FKBP10: variants seen among roughly 807,000 people sequenced by gnomAD.
FKBP10 encodes FKBP prolyl isomerase 10.
FKBP10 carries 34 observed loss-of-function variants against 53.7 expected under a neutral mutation model. The observed-to-expected ratio is 0.63, with a 90% CI of 0.48 to 0.84. FKBP10 has a LOEUF of 0.84. Among genes scored for constraint, FKBP10 ranks in the 40% least tolerant of loss-of-function variants. The pLI is 0.00. For synonymous variants in FKBP10, 324 were observed against 335.7 expected (o/e 0.97, Z 0.38); for missense variants, 748 against 797.8 (o/e 0.94, Z 0.75).
Position 41,822,466 on chromosome 17 carries a change from G to A in FKBP10, c.*58G>A. Reference sequence around the variant, plus strand: ...GAGGCCCACTGCGAGGGGGACAGTGGCGGTGGGACTGACCTGCTGACAGTC... The same window carrying A: ...GAGGCCCACTGCGAGGGGGACAGTGACGGTGGGACTGACCTGCTGACAGTC... On this transcript the variant is annotated 3_prime_UTR_variant, in exon 10 of 10. Coordinates refer to ENST00000321562, the MANE Select transcript of FKBP10 (RefSeq NM_021939.4). 6.5e-7 allele frequency: 1 copy of A among 1,540,126 alleles called. No individual in the cohort carries two copies. Among genetic ancestry groups the A allele is most frequent in the Non-Finnish European group, 8.8e-7 (1 of 1,137,006 alleles).
chr17:41,820,372 T>A lies in FKBP10; in HGVS notation c.1167T>A (p.Ser389=), dbSNP rs782014040. ...VVEIRTLSRP[S]ETCNETTKLG... ...AAATCAGGACACTGTCCCGGCCATC[T>A]GAGACCTGCAATGAGACCACCAAGC... Residue 389 remains serine (S), a synonymous_variant, in exon 7 of 10, where the codon TCT becomes TCA. Transcript: ENST00000321562. 3.1e-6 allele frequency: 5 copies of A among 1,614,222 alleles called. No individual in the cohort carries two copies. In the East Asian group the frequency reaches 1.1e-4, roughly 36 times the overall value.
At chr17:41,815,780 C>G (rs1439625164) in intron 1 of FKBP10, among the ~76,000 whole-genome samples, 1 of 46,452 alleles carries the variant, frequency 2.2e-5, no homozygotes, top group Non-Finnish European at 4.8e-5. Flanking sequence ...CCCATGGCCC[C>G]TTCAATTAAA....
In FKBP10 at chr17:41,819,402, C is replaced by T; in HGVS notation, c.917+3C>T. ...GACGGCACCCTCTTCGATTCCAGGTCAGGAGGGTCTTGAGGTGGGAGGGCG... is the reference window on the plus strand; with the variant it reads ...GACGGCACCCTCTTCGATTCCAGGTTAGGAGGGTCTTGAGGTGGGAGGGCG... On this transcript the variant is annotated splice_donor_region_variant and intron_variant, in intron 5 of 9. Transcript: ENST00000321562. 1 of 1,612,138 alleles carries T rather than the reference C, an allele frequency of 6.2e-7. No homozygotes were observed. Among genetic ancestry groups the T allele is most frequent in the Non-Finnish European group, 8.5e-7 (1 of 1,178,680 alleles).
At chr17:41,819,877 G>A (rs1276159715) in intron 6 of FKBP10, 41 of 1,541,552 alleles carry the variant, frequency 2.7e-5, no homozygotes, top group Admixed American at 1.2e-4. Flanking sequence ...GCCCCACTTC[G>A]CCCCTTCCGC....
Position 41,813,008 on chromosome 17 carries a change from C to T in FKBP10, c.-27C>T, listed in dbSNP as rs782092143. On this transcript the variant is annotated 5_prime_UTR_variant, in exon 1 of 10. Transcript: ENST00000321562. ...GTGGCGACTCCCTCGCTCGCCCTCA[C>T]TGCCGGCGGTCCCAACTCCAGGCAC... 1.9e-6 allele frequency: 3 copies of T among 1,608,776 alleles called. No homozygotes were observed. The highest frequency in any genetic ancestry group is 2.2e-5 in the East Asian group (1 of 44,826).
intron 6 of FKBP10, 168 bp from the exon 7 acceptor site, chr17:41,820,101 C>G: frequency 8.3e-7 from 1 of 1,207,254 alleles, no homozygotes. Flanking sequence ...CTGCCCCCTG[C>G]CCCAGTGAAA....
chr17:41,820,094 C>T, intron 6 of FKBP10, 175 bp from the exon 7 acceptor site: 2 of 1,198,392 alleles, frequency 1.7e-6, no homozygotes, highest in East Asian at 2.6e-5. Flanking sequence ...CCTTCCCCTG[C>T]CCCCTGCCCC....
At position 41,821,697 on chromosome 17, in the gene FKBP10, G is replaced by C; in HGVS notation, c.1443G>C (p.Glu481Asp). Residue 481 changes from glutamate to aspartate, a missense_variant, in exon 9 of 10, where the codon GAG becomes GAC. Transcript: ENST00000321562. Reference protein sequence around the residue: ...PGSAVLLFEVELVSREDGLPT... With the variant: ...PGSAVLLFEVDLVSREDGLPT... Reference sequence around the variant, plus strand: ...GTGCTGTGCTGCTGTTTGAGGTGGAGCTGGTGTCCCGGGAGGATGGGCTGC... The same window carrying C: ...GTGCTGTGCTGCTGTTTGAGGTGGACCTGGTGTCCCGGGAGGATGGGCTGC... The C allele has an allele frequency of 6.2e-7, 1 of 1,614,136 alleles. No individual in the cohort carries two copies.
chr17:41,816,300 G>A (rs370439603), intron 1 of FKBP10, among the ~76,000 whole-genome samples: 142 of 115,902 alleles, frequency 1.2e-3, no homozygotes, highest in Admixed American at 3.5e-3. Context: ...GCACGATTTC[G>A]GCTCATTGCA....
In FKBP10 at chr17:41,818,168, G is replaced by A. The variant is rs782098243; in HGVS notation, c.471G>A (p.Gln157=). Residue 157 remains glutamine, a synonymous_variant, in exon 3 of 10, where the codon CAG becomes CAA. Transcript: ENST00000321562. ...TGTGGAACAAGGAAGACACCGTGCA[G>A]GTGAGCACATTGCTGCGCCCGCCCC... is the stretch of plus-strand genomic sequence containing the variant. ...LDVWNKEDTV[Q]VSTLLRPPHC... 6.2e-7 allele frequency: 1 copy of A among 1,613,818 alleles called. No homozygotes were observed. Among genetic ancestry groups the A allele is most frequent in the South Asian group, 1.1e-5 (1 of 91,084 alleles).
At chr17:41,821,559 G>A (rs1322166798) in intron 8 of FKBP10, 95 bp from the exon 9 acceptor site, 3 of 1,482,338 alleles carry the variant, frequency 2.0e-6, no homozygotes, top group South Asian at 2.4e-5. Flanking sequence ...CCAGCCCCAG[G>A]AGGGGAAACT....
At chr17:41,814,109 G>A (rs1211824501) in intron 1 of FKBP10, among the ~76,000 whole-genome samples, 1 of 152,210 alleles carries the variant, frequency 6.6e-6, no homozygotes, top group Non-Finnish European at 1.5e-5. Context: ...GCCAGCCTCA[G>A]GGGTAAATCT....
chr17:41,819,306 T>C lies in FKBP10; in HGVS notation c.824T>C (p.Leu275Pro). 1 of 1,613,296 alleles carries C rather than the reference T, an allele frequency of 6.2e-7. No homozygotes were observed. The highest frequency in any genetic ancestry group is 2.2e-5 in the East Asian group (1 of 44,818). The change falls in exon 5 of 10, where the codon CTC becomes CCC. Residue 275 changes from leucine to proline, a missense_variant. Leu to Pro is a moderately conservative substitution (Grantham distance 98). Transcript: ENST00000321562. ...KDAVQLETLE[L>P]PPGCVRRAGA... ...GCTGTCCAGCTAGAGACGCTGGAGC[T>C]CCCCCCCGGCTGTGTCCGCAGAGCC...
chr17:41,819,642 C>T lies in FKBP10; in HGVS notation c.1030C>T (p.Pro344Ser), dbSNP rs1245715937. The change falls in exon 6 of 10, where the codon CCC becomes TCC. Residue 344 changes from proline (P) to serine (S), a missense_variant. Pro to Ser is a moderately conservative substitution (Grantham distance 74). Coordinates refer to ENST00000321562, the MANE Select transcript of FKBP10 (RefSeq NM_021939.4). ...GGGGGAACGCCGGAGAATTACCATC[C>T]CCCCGCACCTCGCCTATGGGGAGAA... is the stretch of plus-strand genomic sequence containing the variant. ...CMGERRRITI[P>S]PHLAYGENGT... 1.2e-6 allele frequency: 2 copies of T among 1,610,972 alleles called. No homozygotes were observed. The highest frequency in any genetic ancestry group is 2.2e-5 in the East Asian group (1 of 44,836).
At position 41,820,087 on chromosome 17, in the gene FKBP10, T is replaced by TCCCCTGC. The variant is rs1485278999; in HGVS notation, c.1064-171_1064-165dup. ...GGGCTTTCTTACTGGAAAGCTGCCT[T>TCCCCTGC]CCCCTGCCCCCTGCCCCAGTGAAAG... On this transcript the variant is annotated intron_variant, in intron 6 of 9. Transcript: ENST00000321562. 3.0e-4 allele frequency: 367 copies of TCCCCTGC among 1,242,264 alleles called. 2 individuals are homozygous for TCCCCTGC. The highest frequency in any genetic ancestry group is 1.7e-3 in the Admixed American group (66 of 39,824). 77.0% of individuals were successfully genotyped at this position (1,242,264 alleles called of 1,614,324 possible). A position where few individuals can be genotyped will look rare whatever the true frequency, so the allele number is the denominator to read the frequency against.
At chr17:41,819,807 C>A in intron 6 of FKBP10, 132 bp downstream of exon 6, 2 of 1,539,640 alleles carry the variant, frequency 1.3e-6, no homozygotes, top group Non-Finnish European at 1.8e-6. Context: ...ATGCAGCTTA[C>A]ATCTGGTCAC....
intron 8 of FKBP10, 126 bp from the exon 9 acceptor site, chr17:41,821,528 T>A: frequency 8.3e-7 from 1 of 1,201,632 alleles, no homozygotes. Context: ...TCCTTAAACA[T>A]CCCATGCCCC....
At position 41,817,956 on chromosome 17, in the gene FKBP10, A is replaced by G; in HGVS notation, c.392-133A>G. On this transcript the variant is annotated intron_variant, in intron 2 of 9. Transcript: ENST00000321562. ...CTATCTCTTAAAAAAAAAAAACAAA[A>G]ATAGTGGCATCTCTGTCCCTGGTTT... is the stretch of plus-strand genomic sequence containing the variant. 1.4e-5 allele frequency: 13 copies of G among 941,360 alleles called. No homozygotes were observed. In the South Asian group the frequency reaches 1.9e-4, roughly 14 times the overall value. The allele number at this position is 941,360 out of a possible 1,614,324, so 58.3% of individuals were successfully genotyped here. A position where few individuals can be genotyped will look rare whatever the true frequency, so the allele number is the denominator to read the frequency against.
chr17:41,820,068 T>G lies in FKBP10; in HGVS notation c.1064-201T>G, dbSNP rs548552282. On this transcript the variant is annotated intron_variant, in intron 6 of 9. Transcript: ENST00000321562. ...CAAGACGGTGAGTGGAAAAGGGCTT[T>G]CTTACTGGAAAGCTGCCTTCCCCTG... 449 of 1,344,798 alleles carry G rather than the reference T, an allele frequency of 3.3e-4. 1 individual carries two copies. In the African/African-American group the frequency reaches 3.3e-3, roughly 10 times the overall value. 83.3% of individuals were successfully genotyped at this position (1,344,798 alleles called of 1,614,324 possible). A position where few individuals can be genotyped will look rare whatever the true frequency, so the allele number is the denominator to read the frequency against.
Sources: gnomAD v4.1 joint callset for allele counts (sites outside exome capture counted in the v4.1 genomes callset) on GRCh38, gnomAD v4.1.1 for gene constraint, MANE v1.5 for transcripts, NCBI Gene and HGNC (gene_info 2026-07-23, HGNC 2026-07-21) for gene names.